The following WDR17 variants were observed in gnomAD, a reference collection of about 807,000 sequenced individuals.
WDR17 encodes WD repeat domain 17, also known as WD repeat-containing protein 17.
In WDR17, 143 loss-of-function variants were observed where a neutral mutation model predicts 161.7. That is an observed-to-expected ratio of 0.88 (90% CI 0.77 to 1.02). The LOEUF (loss-of-function observed/expected upper bound fraction) is 1.02. Among genes scored for constraint, WDR17 ranks in the 50% least tolerant of loss-of-function variants. The pLI is 0.00. For missense variants in WDR17, 1,469 were observed against 1,520.9 expected, an observed-to-expected ratio of 0.97 and a Z score of 0.57; for synonymous variants, 517 against 515.6, an observed-to-expected ratio of 1.00 and a Z score of -0.04.
chr4:176,147,051 C>A (rs1407316001), intron 12 of WDR17, among the ~76,000 whole-genome samples: 1 of 151,772 alleles, frequency 6.6e-6, no homozygotes, highest in Non-Finnish European at 1.5e-5. Flanking sequence ...ATTTTTGGTA[C>A]AGACAGGGTT....
intron 1 of WDR17, among the ~76,000 whole-genome samples, chr4:176,071,252 G>A (rs1349717479): frequency 6.6e-6 from 1 of 151,186 alleles, no homozygotes; most frequent in Non-Finnish European, 1.5e-5. Context: ...TAGTGTTCTC[G>A]CAATGGAATA....
intron 1 of WDR17, among the ~76,000 whole-genome samples, chr4:176,095,626 C>A (rs750963307): frequency 1.3e-5 from 2 of 151,906 alleles, no homozygotes; most frequent in Admixed American, 6.6e-5. Context: ...CCTTCGTTTC[C>A]TTTGTTGCTT....
chr4:176,152,008 T>C (rs759905872), intron 17 of WDR17, 41 bp downstream of exon 17: 2 of 1,573,066 alleles, frequency 1.3e-6, no homozygotes, highest in East Asian at 4.5e-5. Flanking sequence ...TTTAACATAG[T>C]AGTCTAAACG....
intron 11 of WDR17, 71 bp from the exon 12 acceptor site, chr4:176,145,922 CTA>C (rs1438465367): frequency 1.2e-5 from 16 of 1,320,802 alleles, no homozygotes; most frequent in Non-Finnish European, 1.5e-5. Flanking sequence ...GAAATTAGAA[CTA>C]TGGTATACCT....
At chr4:176,178,742 ACAACAAGTTG>A (rs1363093992) in intron 28 of WDR17, among the ~76,000 whole-genome samples, 2 of 152,214 alleles carry the variant, frequency 1.3e-5, no homozygotes, top group Non-Finnish European at 2.9e-5. Flanking sequence ...TAATTTGCTA[ACAACAAGTTG>A]TATCATTTGA....
chr4:176,128,666 A>G, intron 5 of WDR17, 72 bp from the exon 6 acceptor site: 3 of 1,473,308 alleles, frequency 2.0e-6, no homozygotes, highest in Non-Finnish European at 2.8e-6. Flanking sequence ...AAATTTTGTT[A>G]TACTTTTATG....
chr4:176,115,363 T>C (rs541476158), intron 2 of WDR17, among the ~76,000 whole-genome samples: 1 of 152,106 alleles, frequency 6.6e-6, no homozygotes, highest in East Asian at 1.9e-4. Context: ...CTGGAAGCTT[T>C]GGACATCTTA....
intron 1 of WDR17, among the ~76,000 whole-genome samples, chr4:176,070,484 T>C (rs555886475): frequency 6.6e-6 from 1 of 152,238 alleles, no homozygotes; most frequent in South Asian, 2.1e-4. Context: ...GTTTAGTTAG[T>C]TTATGTAGAT....
chr4:176,106,852 G>C (rs1004434689), intron 1 of WDR17, among the ~76,000 whole-genome samples: 1 of 152,164 alleles, frequency 6.6e-6, no homozygotes, highest in African/African-American at 2.4e-5. Context: ...TTGGGAGTCT[G>C]AGGCAGCAGG....
chr4:176,168,390 G>C (rs1750199705), intron 22 of WDR17, among the ~76,000 whole-genome samples: 1 of 152,064 alleles, frequency 6.6e-6, no homozygotes, highest in African/African-American at 2.4e-5. Context: ...TTAGAGAATT[G>C]TTCTGTAATG....
At chr4:176,156,207 T>A (rs957541683) in intron 18 of WDR17, 64 bp downstream of exon 18, 2 of 1,490,336 alleles carry the variant, frequency 1.3e-6, no homozygotes, top group Non-Finnish European at 1.8e-6. Flanking sequence ...AGAAGCAGTA[T>A]ATAAATATGG....
intron 11 of WDR17, among the ~76,000 whole-genome samples, chr4:176,145,148 T>G (rs886300480): frequency 1.3e-5 from 2 of 152,188 alleles, no homozygotes; most frequent in Non-Finnish European, 2.9e-5. Flanking sequence ...TAACTGCCTT[T>G]CTTTATGTTT....
chr4:176,174,581 T>A (rs1344745138), intron 25 of WDR17, 36 bp from the exon 26 acceptor site: 2 of 1,488,952 alleles, frequency 1.3e-6, no homozygotes, highest in East Asian at 4.6e-5. Context: ...TGCCTCAAAT[T>A]GTGGAATTTA....
At chr4:176,167,320 C>T (rs1279788369) in intron 22 of WDR17, among the ~76,000 whole-genome samples, 3 of 152,124 alleles carry the variant, frequency 2.0e-5, no homozygotes, top group Non-Finnish European at 2.9e-5. Flanking sequence ...TCTAATGTCA[C>T]CTCTTCTGTA....
intron 1 of WDR17, among the ~76,000 whole-genome samples, chr4:176,095,151 G>GT (rs1736658268): frequency 6.6e-6 from 1 of 152,056 alleles, no homozygotes; most frequent in African/African-American, 2.4e-5. Flanking sequence ...ATAAAGAATT[G>GT]CAACTCAAAA....
intron 1 of WDR17, among the ~76,000 whole-genome samples, chr4:176,103,600 CA>C (rs1041654549): frequency 6.6e-6 from 1 of 150,868 alleles, no homozygotes; most frequent in Non-Finnish European, 1.5e-5. Flanking sequence ...GATAGAAAAC[CA>C]AAAAAAGAAT....
At chr4:176,163,865 T>C (rs2170576) in intron 22 of WDR17, among the ~76,000 whole-genome samples, 75,998 of 152,060 alleles carry the variant, frequency 0.5, 19,529 homozygotes, top group Admixed American at 0.62. Flanking sequence ...TCCATTATTA[T>C]GGAGGCTCTA....
intron 6 of WDR17, among the ~76,000 whole-genome samples, chr4:176,130,699 C>T (rs1164264209): frequency 6.9e-6 from 1 of 144,610 alleles, no homozygotes; most frequent in Non-Finnish European, 1.5e-5. Flanking sequence ...GAGCCGAGAT[C>T]ATGCCACAGC....
chr4:176,142,877 T>A (rs1299518929), intron 11 of WDR17, among the ~76,000 whole-genome samples: 1 of 152,166 alleles, frequency 6.6e-6, no homozygotes, highest in African/African-American at 2.4e-5. Flanking sequence ...TAAAAAACAC[T>A]GTTTTTTGTG....
Sources: gnomAD v4.1 joint callset for allele counts (sites outside exome capture counted in the v4.1 genomes callset) on GRCh38, gnomAD v4.1.1 for gene constraint, MANE v1.5 for transcripts, NCBI Gene and HGNC (gene_info 2026-07-23, HGNC 2026-07-21) for gene names.